FBXO27: variants seen among roughly 807,000 people sequenced by gnomAD.
The protein encoded by FBXO27 is F-box protein 27.
Under a neutral mutation model 28.3 loss-of-function variants are expected in FBXO27, and 28 were observed. The observed-to-expected ratio is 0.99, with a 90% CI of 0.73 to 1.36. The LOEUF (loss-of-function observed/expected upper bound fraction) is 1.36, where lower values mean the gene tolerates loss of function less well. Ranked by LOEUF, FBXO27 falls within the 40% of genes most tolerant of loss-of-function variation. FBXO27 has a pLI of 0.00. For missense variants in FBXO27, 388 were observed against 394.1 expected, an observed-to-expected ratio of 0.98 and a Z score of 0.13; for synonymous variants, 175 against 167.3, an observed-to-expected ratio of 1.05 and a Z score of -0.36.
intron 2 of FBXO27, among the ~76,000 whole-genome samples, chr19:39,012,482 C>T (rs570683928): frequency 3.0e-4 from 45 of 152,234 alleles, no homozygotes; most frequent in African/African-American, 9.9e-4. Context: ...CCACGCCCAG[C>T]GTCATTTTCA....
downstream of FBXO27, among the ~76,000 whole-genome samples, chr19:39,023,738 C>T (rs6508840): frequency 0.46 from 70,488 of 151,794 alleles, 16,654 homozygotes; most frequent in Middle Eastern, 0.57. Context: ...CTCAGCCTCC[C>T]GAGTAACTGG....
chr19:39,007,368 G>C (rs1226828763), intron 2 of FBXO27, among the ~76,000 whole-genome samples: 1 of 152,206 alleles, frequency 6.6e-6, no homozygotes, highest in African/African-American at 2.4e-5. Flanking sequence ...CCAGCTGGGC[G>C]TTCTGGTGGA....
intron 5 of FBXO27, 112 bp downstream of exon 5, chr19:39,026,758 C>T: frequency 1.3e-6 from 2 of 1,508,724 alleles, no homozygotes; most frequent in Non-Finnish European, 1.8e-6. Flanking sequence ...AGGTGTGAGC[C>T]ACCGCACCCA....
chr19:39,023,159 G>A (rs1600226254), downstream of FBXO27, among the ~76,000 whole-genome samples: 2 of 152,010 alleles, frequency 1.3e-5, no homozygotes, highest in South Asian at 4.2e-4. Context: ...GCCTGGTCTC[G>A]AACTGACCTC....
intron 1 of FBXO27, among the ~76,000 whole-genome samples, chr19:39,017,126 T>C (rs2072824043): frequency 6.6e-6 from 1 of 152,136 alleles, no homozygotes; most frequent in Admixed American, 6.6e-5. Context: ...TCCAAAAGTT[T>C]ATTTCCATCC....
intron 2 of FBXO27, 128 bp from the exon 3 acceptor site, chr19:39,031,448 C>T: frequency 2.6e-6 from 2 of 782,150 alleles, no homozygotes; most frequent in South Asian, 3.4e-5. Context: ...CCCACCGAGG[C>T]CCCGCCCCCT....
intron 4 of FBXO27, chr19:39,030,657 C>T (rs921524591): frequency 1.4e-5 from 3 of 210,936 alleles, no homozygotes; most frequent in East Asian, 1.2e-4. Flanking sequence ...CTCACTCTGT[C>T]GTCCAGGCTG....
In FBXO27 at chr19:39,008,065, C is replaced by T. The variant is rs1247597831; in HGVS notation, c.252+6322G>A. 4.9e-4 allele frequency among the ~76,000 whole-genome samples: 75 copies of T among 152,134 alleles called. 3 individuals carry two copies. The highest frequency in any genetic ancestry group is 4.9e-3 in the Admixed American group (75 of 15,268). On this transcript the variant is annotated intron_variant, in intron 2 of 2. Coordinates refer to the FBXO27 transcript ENST00000598394. ...GTTGCCTGAGCTTAGGAGCTCGAGA[C>T]CAGCCTGGCCAACATGGTGAAACCC... is the stretch of plus-strand genomic sequence containing the variant.
chr19:39,029,042 TAAAAA>T (rs1249127334), intron 4 of FBXO27, among the ~76,000 whole-genome samples: 2 of 91,932 alleles, frequency 2.2e-5, no homozygotes, highest in Admixed American at 1.2e-4. Flanking sequence ...ACTCTGTCTC[TAAAAA>T]AAAAAAAAAA....
rs952987504 is a variant in FBXO27 at position 39,031,065 on chromosome 19, A to G, written c.536T>C (p.Leu179Pro). Residue 179 changes from leucine (L) to proline (P), a missense_variant, in exon 4 of 6, where the codon CTG (leucine) becomes CCG (proline). Coordinates refer to ENST00000292853, the MANE Select transcript of FBXO27 (RefSeq NM_178820.5). ...ACAAATCTCAATCCTGCCACTATCC[A>G]GCAGTTCTGGCCACAGACCCTCCTC... ...LEEEGLWPEL[L>P]DSGRIEICVS... 1.9e-6 allele frequency: 3 copies of G among 1,614,000 alleles called. No individual in the cohort carries two copies. Among genetic ancestry groups the G allele is most frequent in the African/African-American group, 1.3e-5 (1 of 74,918 alleles).
Position 39,026,983 on chromosome 19 carries a change from C to T in FBXO27, c.595G>A (p.Gly199Ser), listed in dbSNP as rs923431957. The T allele has an allele frequency of 1.4e-5, 23 of 1,614,134 alleles. No individual in the cohort carries two copies. Among genetic ancestry groups the T allele is most frequent in the Non-Finnish European group, 1.8e-5 (21 of 1,180,026 alleles). Residue 199 changes from glycine to serine, a missense_variant, in exon 5 of 6, where the codon GGC becomes AGC. Coordinates refer to ENST00000292853, the MANE Select transcript of FBXO27 (RefSeq NM_178820.5). ...TGGACGAGGAGTCTGTACATACAGC[C>T]GCTGTCGTGTCGGGCTCCCCACCTG... ...SDWWGARHDS[G>S]CMYRLLVQLL...
At position 39,024,852 on chromosome 19, in the gene FBXO27, C is replaced by G. The variant is rs1600226919; in HGVS notation, c.*559G>C. 6.6e-6 allele frequency: 1 copy of G among 152,414 alleles called. No homozygotes were observed. The highest frequency in any genetic ancestry group is 1.9e-4 in the East Asian group (1 of 5,180). The allele number at this position is 152,414 out of a possible 1,614,324, so 9.4% of individuals were successfully genotyped here. ...ACTTTTTTTTTTTAACGTAGACTTT[C>G]AGCTGCATGACCTGGTCCCAGCCCT... On this transcript the variant is annotated 3_prime_UTR_variant, in exon 6 of 6. Coordinates refer to ENST00000292853, the MANE Select transcript of FBXO27 (RefSeq NM_178820.5).
Position 39,025,439 on chromosome 19 carries a change from C to G in FBXO27, c.824G>C (p.Ser275Thr). 6.2e-7 allele frequency: 1 copy of G among 1,614,054 alleles called. No individual in the cohort carries two copies. The highest frequency in any genetic ancestry group is 1.3e-5 in the African/African-American group (1 of 75,036). Reference protein sequence around the residue: ...GHYGARVTNSSVIVRVRLS With the variant: ...GHYGARVTNSTVIVRVRLS ...GGACAGACGGACTCGCACGATCACA[C>G]TGGAGTTGGTCACACGGGCTCCATA... The change falls in exon 6 of 6, where the codon AGT becomes ACT. Residue 275 changes from serine (S) to threonine (T), a missense_variant. Coordinates refer to ENST00000292853, the MANE Select transcript of FBXO27 (RefSeq NM_178820.5).
At chr19:39,019,468 A>G (rs1274779976), downstream of FBXO27, among the ~76,000 whole-genome samples, 41 of 128,164 alleles carry the variant, frequency 3.2e-4, no homozygotes, top group Non-Finnish European at 3.9e-4. Flanking sequence ...AAAAAAAAAA[A>G]AAAGAAAGAC....
chr19:39,009,133 A>G (rs925947727), intron 2 of FBXO27, among the ~76,000 whole-genome samples: 4 of 152,194 alleles, frequency 2.6e-5, no homozygotes, highest in African/African-American at 9.6e-5. Flanking sequence ...ATTCCTTTTT[A>G]TGATGGAATA....
At chr19:39,013,399 G>A (rs1432282762) in intron 2 of FBXO27, among the ~76,000 whole-genome samples, 1 of 152,148 alleles carries the variant, frequency 6.6e-6, no homozygotes, top group Non-Finnish European at 1.5e-5. Flanking sequence ...GGAGGCTGAG[G>A]CGGGAGGATC....
downstream of FBXO27, among the ~76,000 whole-genome samples, chr19:39,023,214 G>A (rs1442401121): frequency 1.3e-5 from 2 of 152,210 alleles, no homozygotes; most frequent in Non-Finnish European, 1.5e-5. Flanking sequence ...GGGATTACAG[G>A]CGTGAGGCAC....
chr19:39,020,290 T>C (rs1229235902), downstream of FBXO27, among the ~76,000 whole-genome samples: 1 of 152,104 alleles, frequency 6.6e-6, no homozygotes, highest in Admixed American at 6.6e-5. Context: ...CAAGAAGGCC[T>C]GGACAACAAG....
downstream of FBXO27, among the ~76,000 whole-genome samples, chr19:39,022,976 T>G (rs1472596967): frequency 3.3e-5 from 5 of 151,958 alleles, no homozygotes. Context: ...TTTTTTTTTT[T>G]GTATTTTTAG....
Sources: allele counts gnomAD v4.1 joint callset (sites outside exome capture counted in the v4.1 genomes callset), GRCh38; gene constraint gnomAD v4.1.1; transcripts MANE v1.5; gene names NCBI Gene and HGNC (gene_info 2026-07-23, HGNC 2026-07-21).